The following SLC39A11 variants were observed in gnomAD, a reference collection of about 807,000 sequenced individuals.
SLC39A11 encodes zinc transporter ZIP11.
SLC39A11 carries 33 observed loss-of-function variants against 36.1 expected under a neutral mutation model. The ratio of observed to expected loss-of-function variants is 0.91; its 90% CI spans 0.69 to 1.22. The LOEUF (loss-of-function observed/expected upper bound fraction) is 1.22, where lower values mean the gene tolerates loss of function less well. Ranked by LOEUF, SLC39A11 falls within the 50% of genes most tolerant of loss-of-function variation. The pLI is 0.00. For missense variants in SLC39A11, 432 were observed against 430.3 expected, an observed-to-expected ratio of 1.00 and a Z score of -0.03; for synonymous variants, 166 against 170.3, an observed-to-expected ratio of 0.97 and a Z score of 0.20.
intron 4 of SLC39A11, among the ~76,000 whole-genome samples, chr17:73,026,170 G>A (rs374065132): frequency 1.7e-4 from 8 of 47,702 alleles, no homozygotes; most frequent in East Asian, 1.4e-3. Flanking sequence ...AGAGAAGAGA[G>A]GAGAGGAGAA....
intron 6 of SLC39A11, among the ~76,000 whole-genome samples, chr17:72,807,687 G>A (rs1427611826): frequency 2.0e-5 from 3 of 152,120 alleles, no homozygotes; most frequent in African/African-American, 7.2e-5. Context: ...GAGAGGAAAT[G>A]GAAGCTCCAT....
chr17:72,861,828 A>C (rs568996994), intron 5 of SLC39A11, among the ~76,000 whole-genome samples: 6 of 135,304 alleles, frequency 4.4e-5, no homozygotes, highest in Non-Finnish European at 1.6e-5. Context: ...TTTCAGGCTG[A>C]TTTTTGTTCA....
chr17:72,661,170 T>C (rs2070398818), intron 7 of SLC39A11, among the ~76,000 whole-genome samples: 1 of 152,206 alleles, frequency 6.6e-6, no homozygotes. Context: ...CCAAAGCCAG[T>C]GGTCACTCTC....
intron 5 of SLC39A11, among the ~76,000 whole-genome samples, chr17:72,900,350 A>G (rs565669404): frequency 6.6e-6 from 1 of 152,104 alleles, no homozygotes; most frequent in Admixed American, 6.5e-5. Flanking sequence ...GGGTATCTGG[A>G]GGGAAGGAAG....
intron 7 of SLC39A11, among the ~76,000 whole-genome samples, chr17:72,707,511 A>G (rs751089716): frequency 1.3e-5 from 2 of 152,236 alleles, no homozygotes; most frequent in Non-Finnish European, 2.9e-5. Flanking sequence ...GTATACATGT[A>G]TAGGCAGGGA....
At chr17:72,898,835 G>A (rs1222487889) in intron 5 of SLC39A11, among the ~76,000 whole-genome samples, 1 of 152,170 alleles carries the variant, frequency 6.6e-6, no homozygotes, top group African/African-American at 2.4e-5. Context: ...CACGTCTCCT[G>A]ACTTCAGAAC....
At chr17:72,932,155 G>C (rs2084436632) in intron 5 of SLC39A11, among the ~76,000 whole-genome samples, 1 of 151,956 alleles carries the variant, frequency 6.6e-6, no homozygotes, top group Non-Finnish European at 1.5e-5. Flanking sequence ...ACCATTCTAA[G>C]CATTTTACAT....
At chr17:73,029,231 C>CTTGGT (rs1296109331) in intron 4 of SLC39A11, among the ~76,000 whole-genome samples, 1 of 152,056 alleles carries the variant, frequency 6.6e-6, no homozygotes, top group East Asian at 1.9e-4. Flanking sequence ...TGATACCGCC[C>CTTGGT]CACCACCCCT....
chr17:72,915,019 G>A (rs1474883749), intron 5 of SLC39A11, among the ~76,000 whole-genome samples: 1 of 152,140 alleles, frequency 6.6e-6, no homozygotes, highest in Admixed American at 6.5e-5. Flanking sequence ...GGGAAAAAAT[G>A]GATTTTCTTT....
At chr17:72,935,397 T>TAAC (rs1326816221) in intron 5 of SLC39A11, among the ~76,000 whole-genome samples, 3 of 152,076 alleles carry the variant, frequency 2.0e-5, no homozygotes, top group Non-Finnish European at 4.4e-5. Flanking sequence ...GGGTAGGGTT[T>TAAC]AACTACAAGG....
At chr17:72,833,862 A>G (rs912791341) in intron 6 of SLC39A11, among the ~76,000 whole-genome samples, 1 of 152,206 alleles carries the variant, frequency 6.6e-6, no homozygotes, top group African/African-American at 2.4e-5. Context: ...CTCAGGAAAT[A>G]AGAAAAAAAC....
At chr17:72,825,534 A>C (rs752435539) in intron 6 of SLC39A11, among the ~76,000 whole-genome samples, 1 of 152,206 alleles carries the variant, frequency 6.6e-6, no homozygotes, top group African/African-American at 2.4e-5. Flanking sequence ...AGCTGTGAGA[A>C]GAGGTCACTG....
At chr17:72,968,889 C>T (rs1315434365) in intron 4 of SLC39A11, among the ~76,000 whole-genome samples, 1 of 152,068 alleles carries the variant, frequency 6.6e-6, no homozygotes, top group African/African-American at 2.4e-5. Context: ...ATTTCCCAAG[C>T]CAATGTCATT....
intron 6 of SLC39A11, among the ~76,000 whole-genome samples, chr17:72,751,310 A>G (rs759097406): frequency 5.9e-5 from 9 of 152,214 alleles, no homozygotes; most frequent in Non-Finnish European, 1.0e-4. Flanking sequence ...TCAGGTTGCT[A>G]TATGAAGGTA....
intron 7 of SLC39A11, among the ~76,000 whole-genome samples, chr17:72,720,135 C>T (rs1048242509): frequency 6.6e-6 from 1 of 152,158 alleles, no homozygotes; most frequent in African/African-American, 2.4e-5. Context: ...GACCCAGGCT[C>T]TGCTCCCAGG....
intron 6 of SLC39A11, among the ~76,000 whole-genome samples, chr17:72,798,892 C>T (rs894036977): frequency 2.0e-5 from 3 of 151,990 alleles, no homozygotes; most frequent in Non-Finnish European, 4.4e-5. Context: ...TCATGAGTGG[C>T]ATCTTTGGGA....
chr17:72,896,412 G>A (rs1360812661), intron 5 of SLC39A11, among the ~76,000 whole-genome samples: 1 of 151,852 alleles, frequency 6.6e-6, no homozygotes, highest in African/African-American at 2.4e-5. Context: ...ATGTTGGCAA[G>A]GCTGGTCTTG....
At chr17:72,953,934 T>A (rs1472866703) in intron 4 of SLC39A11, among the ~76,000 whole-genome samples, 1 of 152,208 alleles carries the variant, frequency 6.6e-6, no homozygotes, top group East Asian at 1.9e-4. Flanking sequence ...ATCGCACGGA[T>A]TCAGGACGGG....
At chr17:72,906,469 GA>G (rs2082663061) in intron 5 of SLC39A11, among the ~76,000 whole-genome samples, 2 of 152,376 alleles carry the variant, frequency 1.3e-5, no homozygotes. Context: ...CACACAGTTG[GA>G]AACAGTGGAC....
Sources: allele counts gnomAD v4.1 joint callset (sites outside exome capture counted in the v4.1 genomes callset), GRCh38; gene constraint gnomAD v4.1.1; transcripts MANE v1.5; gene names NCBI Gene and HGNC (gene_info 2026-07-23, HGNC 2026-07-21).